Variants in ARHGAP10 observed in about 807,000 individuals in gnomAD.
The protein encoded by ARHGAP10 is rho GTPase-activating protein 10.
A neutral mutation model predicts 108.6 loss-of-function variants in ARHGAP10; 87 were observed. The ratio of observed to expected loss-of-function variants is 0.80; its 90% CI spans 0.67 to 0.96. The LOEUF (loss-of-function observed/expected upper bound fraction) is 0.96. Among genes scored for constraint, ARHGAP10 ranks in the 40% least tolerant of loss-of-function variants. The pLI, the probability that ARHGAP10 is intolerant of heterozygous loss-of-function variation, is 0.00. For missense variants in ARHGAP10, 939 were observed against 954.5 expected, an observed-to-expected ratio of 0.98 and a Z score of 0.21; for synonymous variants, 347 against 341.1, an observed-to-expected ratio of 1.02 and a Z score of -0.19.
intron 18 of ARHGAP10, among the ~76,000 whole-genome samples, chr4:148,009,355 C>T (rs557792550): frequency 6.6e-6 from 1 of 152,308 alleles, no homozygotes; most frequent in East Asian, 1.9e-4. Flanking sequence ...TGGTCTCCAA[C>T]TCCTGACCTC....
At chr4:147,805,505 A>C (rs555184487) in intron 1 of ARHGAP10, among the ~76,000 whole-genome samples, 1 of 152,340 alleles carries the variant, frequency 6.6e-6, no homozygotes, top group South Asian at 2.1e-4. Flanking sequence ...AATTCTATGA[A>C]GAATGTCAAT....
At chr4:147,843,598 C>T (rs1482537940) in intron 3 of ARHGAP10, among the ~76,000 whole-genome samples, 3 of 152,198 alleles carry the variant, frequency 2.0e-5, no homozygotes, top group African/African-American at 7.2e-5. Context: ...ACGATCTCAG[C>T]TCACCGCAAC....
intron 18 of ARHGAP10, among the ~76,000 whole-genome samples, chr4:147,983,424 A>G (rs1383080574): frequency 6.6e-6 from 1 of 151,154 alleles, no homozygotes; most frequent in Admixed American, 6.6e-5. Context: ...TGAGCTCGTG[A>G]TCCGCCCGCC....
rs1279364978 is a variant in ARHGAP10, at chr4:147,863,086, C to T, written c.487-1760C>T. 3 of 152,120 alleles carry T rather than the reference C, an allele frequency of 2.0e-5. No individual in the cohort carries two copies. The South Asian group carries it at 6.2e-4, about 32-fold the overall frequency. 9.4% of individuals were successfully genotyped at this position (152,120 alleles called of 1,614,324 possible). On this transcript the variant is annotated intron_variant, in intron 5 of 22. Coordinates refer to ENST00000336498, the MANE Select transcript of ARHGAP10 (RefSeq NM_024605.4). ...AAACAACACATTTTTGGTTATAAAACGTGAATAAAATTTCAATAAAATGTA... is the reference window on the plus strand; with the variant it reads ...AAACAACACATTTTTGGTTATAAAATGTGAATAAAATTTCAATAAAATGTA...
At chr4:147,945,407 G>T (rs979450292) in intron 14 of ARHGAP10, among the ~76,000 whole-genome samples, 3 of 152,058 alleles carry the variant, frequency 2.0e-5, no homozygotes, top group Admixed American at 1.3e-4. Flanking sequence ...TTGAAAGGAT[G>T]TTTGTAAGAA....
At chr4:147,848,490 A>G (rs1400165716) in intron 4 of ARHGAP10, among the ~76,000 whole-genome samples, 1 of 152,220 alleles carries the variant, frequency 6.6e-6, no homozygotes, top group Non-Finnish European at 1.5e-5. Flanking sequence ...CTTATATGTA[A>G]AATGAAGGAC....
At chr4:147,765,436 C>T (rs1729771101) in intron 1 of ARHGAP10, among the ~76,000 whole-genome samples, 1 of 151,428 alleles carries the variant, frequency 6.6e-6, no homozygotes, top group Non-Finnish European at 1.5e-5. Context: ...GTTACGTCTT[C>T]TGATTAAAAC....
chr4:147,815,155 G>A (rs889558449), intron 1 of ARHGAP10, among the ~76,000 whole-genome samples: 1 of 152,126 alleles, frequency 6.6e-6, no homozygotes, highest in Non-Finnish European at 1.5e-5. Flanking sequence ...CTCCTAACTT[G>A]TCACCCTGCT....
At chr4:147,996,890 C>T (rs1740498127) in intron 18 of ARHGAP10, among the ~76,000 whole-genome samples, 1 of 152,100 alleles carries the variant, frequency 6.6e-6, no homozygotes, top group African/African-American at 2.4e-5. Context: ...CATCCACAAG[C>T]CAGGGAGGGA....
At position 147,875,200 on chromosome 4, in the gene ARHGAP10, A is replaced by G. The variant is rs1293972723; in HGVS notation, c.832+50A>G. 2.7e-6 allele frequency: 4 copies of G among 1,500,844 alleles called. No homozygotes were observed. The African/African-American group carries it at 5.7e-5, about 21-fold the overall frequency. The allele number at this position is 1,500,844 out of a possible 1,614,324, so 93.0% of individuals were successfully genotyped here. A position where few individuals can be genotyped will look rare whatever the true frequency, so the allele number is the denominator to read the frequency against. On this transcript the variant is annotated intron_variant, in intron 8 of 22. Coordinates refer to ENST00000336498, the MANE Select transcript of ARHGAP10 (RefSeq NM_024605.4). ...GCGTGGCTGCTTAAAAATGCAAATT[A>G]TTGAAAACTCTGCTATTCTTGCCAT...
At chr4:148,054,889 G>T (rs1191318519) in intron 20 of ARHGAP10, among the ~76,000 whole-genome samples, 4 of 152,204 alleles carry the variant, frequency 2.6e-5, no homozygotes, top group Admixed American at 6.5e-5. Flanking sequence ...TCCCTTTAGA[G>T]CTGTGCTTGG....
intron 1 of ARHGAP10, among the ~76,000 whole-genome samples, chr4:147,815,711 G>A (rs993580337): frequency 1.2e-5 from 1 of 82,804 alleles, no homozygotes; most frequent in Non-Finnish European, 2.4e-5. Context: ...AAAAAAATAG[G>A]CGATAGGCGT....
intron 1 of ARHGAP10, among the ~76,000 whole-genome samples, chr4:147,737,474 A>G (rs1010289672): frequency 1.5e-4 from 22 of 150,806 alleles, no homozygotes; most frequent in Non-Finnish European, 2.4e-4. Context: ...TAATTTTGAT[A>G]AAGTGGTGTA....
At chr4:147,887,813 G>A (rs1329907900) in intron 10 of ARHGAP10, among the ~76,000 whole-genome samples, 4 of 151,394 alleles carry the variant, frequency 2.6e-5, no homozygotes. Flanking sequence ...AGTGAGCTGA[G>A]ATGGCACCAC....
At chr4:147,758,408 A>G (rs1390625562) in intron 1 of ARHGAP10, among the ~76,000 whole-genome samples, 1 of 152,212 alleles carries the variant, frequency 6.6e-6, no homozygotes, top group African/African-American at 2.4e-5. Context: ...ATGTATAATC[A>G]ATGGCTTTTA....
intron 18 of ARHGAP10, among the ~76,000 whole-genome samples, chr4:147,982,587 G>GAT (rs1739860163): frequency 8.2e-6 from 1 of 121,966 alleles, no homozygotes; most frequent in Admixed American, 8.7e-5. Context: ...TTTGTGTTGA[G>GAT]ATGGGGTCTC....
intron 18 of ARHGAP10, among the ~76,000 whole-genome samples, chr4:147,985,452 GTC>G (rs1013580696): frequency 5.3e-5 from 8 of 152,184 alleles, no homozygotes; most frequent in African/African-American, 1.9e-4. Flanking sequence ...AGCTGGCTCT[GTC>G]TGCACGCCTC....
chr4:147,933,718 TGGCCCAGA>T (rs1737799788), intron 13 of ARHGAP10, among the ~76,000 whole-genome samples: 1 of 152,190 alleles, frequency 6.6e-6, no homozygotes, highest in Non-Finnish European at 1.5e-5. Context: ...ACTGTTCTAG[TGGCCCAGA>T]TGGATGTGTC....
intron 1 of ARHGAP10, among the ~76,000 whole-genome samples, chr4:147,776,500 A>C (rs1579029839): frequency 6.6e-6 from 1 of 152,170 alleles, no homozygotes; most frequent in Admixed American, 6.5e-5. Flanking sequence ...GATTACAGGC[A>C]TGAGCTACCG....
Sources: allele counts gnomAD v4.1 joint callset (sites outside exome capture counted in the v4.1 genomes callset), GRCh38; gene constraint gnomAD v4.1.1; transcripts MANE v1.5; gene names NCBI Gene and HGNC (gene_info 2026-07-23, HGNC 2026-07-21).